Variants in TRIO observed in about 807,000 individuals in gnomAD.
TRIO encodes the protein trio Rho guanine nucleotide exchange factor, also known as triple functional domain protein.
Under a neutral mutation model 351.9 loss-of-function variants are expected in TRIO, and 58 were observed. That is an observed-to-expected ratio of 0.16 (90% CI 0.13 to 0.21). TRIO has a LOEUF of 0.21. Ranked by LOEUF, TRIO falls within the 10% of genes least tolerant of loss-of-function variation. The pLI is 1.00. For missense variants in TRIO, 3,201 were observed against 4,027.8 expected (o/e 0.79, Z 5.56); for synonymous variants, 1,758 against 1,595.7 (o/e 1.10, Z -2.42).
intron 37 of TRIO, among the ~76,000 whole-genome samples, chr5:14,467,540 G>A (rs1754353738): frequency 6.6e-6 from 1 of 152,120 alleles, no homozygotes; most frequent in Non-Finnish European, 1.5e-5. Context: ...ATCAGGCCTG[G>A]TGTGGTGGTT....
At chr5:14,442,909 C>T (rs1752177294) in intron 34 of TRIO, among the ~76,000 whole-genome samples, 1 of 152,196 alleles carries the variant, frequency 6.6e-6, no homozygotes, top group African/African-American at 2.4e-5. Flanking sequence ...AACAATAGAG[C>T]ACGCCCCTCA....
In TRIO at chr5:14,151,648, T is replaced by C. The variant is rs80170938; in HGVS notation, c.157+7766T>C. ...AAATGATGTGCATATGAGAAGTCGTTAAGATGTTGGCCAAAACAGTGTGTG... is the reference window on the plus strand; with the variant it reads ...AAATGATGTGCATATGAGAAGTCGTCAAGATGTTGGCCAAAACAGTGTGTG... On this transcript the variant is annotated intron_variant, in intron 1 of 56. Transcript: ENST00000344204. Among the ~76,000 whole-genome samples, 808 of 152,324 alleles carry C rather than the reference T, an allele frequency of 5.3e-3. 12 individuals are homozygous for C. Among genetic ancestry groups the C allele is most frequent in the African/African-American group, 0.018 (765 of 41,562 alleles).
chr5:14,447,977 A>G (rs1249286780), intron 34 of TRIO, among the ~76,000 whole-genome samples: 2 of 152,362 alleles, frequency 1.3e-5, no homozygotes, highest in African/African-American at 2.4e-5. Flanking sequence ...CAGGACAATA[A>G]TAAGTACTTT....
chr5:14,456,046 G>A (rs934581616), intron 34 of TRIO, among the ~76,000 whole-genome samples: 14 of 152,252 alleles, frequency 9.2e-5, no homozygotes, highest in East Asian at 5.8e-4. Context: ...GAATTCAAGC[G>A]CGGTGCGGGC....
At chr5:14,330,556 G>A (rs1364714520) in intron 9 of TRIO, among the ~76,000 whole-genome samples, 1 of 152,242 alleles carries the variant, frequency 6.6e-6, no homozygotes, top group African/African-American at 2.4e-5. Context: ...TTTAATGTAA[G>A]AGATGATTAA....
At chr5:14,410,490 G>A (rs575440739) in intron 33 of TRIO, among the ~76,000 whole-genome samples, 2 of 152,298 alleles carry the variant, frequency 1.3e-5, no homozygotes, top group African/African-American at 4.8e-5. Context: ...ATTTTCCTGA[G>A]TCTCGAAGTT....
Position 14,509,443 on chromosome 5 carries a change from A to G in TRIO, c.*1021A>G. The G allele has an allele frequency of 2.1e-6, 1 of 468,432 alleles. No homozygotes were observed. Among genetic ancestry groups the G allele is most frequent in the Non-Finnish European group, 4.3e-6 (1 of 232,974 alleles). The allele number at this position is 468,432 out of a possible 1,614,324, so 29.0% of individuals were successfully genotyped here. On this transcript the variant is annotated 3_prime_UTR_variant, in exon 57 of 57. Coordinates refer to ENST00000344204, the MANE Select transcript of TRIO (RefSeq NM_007118.4). ...GTAGCCCTGTGCCATCGGTTCAAAG[A>G]GACTTTTCGTGAAATTTGTTGGTTT... is the stretch of plus-strand genomic sequence containing the variant.
At chr5:14,220,253 G>A (rs1435569579) in intron 1 of TRIO, among the ~76,000 whole-genome samples, 1 of 152,010 alleles carries the variant, frequency 6.6e-6, no homozygotes, top group African/African-American at 2.4e-5. Context: ...TAGCGTAATT[G>A]TTTTGCAGCA....
chr5:14,155,135 T>TA (rs1788034535), intron 1 of TRIO, among the ~76,000 whole-genome samples: 1 of 152,316 alleles, frequency 6.6e-6, no homozygotes, highest in East Asian at 1.9e-4. Flanking sequence ...GGGGTAAACT[T>TA]ACTTTGAGAA....
rs559611189 is a variant in TRIO at position 14,408,857 on chromosome 5, A to C, written c.4959+2185A>C. Among the ~76,000 whole-genome samples, 7 of 152,148 alleles carry C rather than the reference A, an allele frequency of 4.6e-5. No homozygotes were observed. In the South Asian group the frequency reaches 6.2e-4, roughly 14 times the overall value. Reference sequence around the variant, plus strand: ...GATTTCCCCTAGACATGAGTTCAAAAGTTTATTCTTTTTTTAAAAAAAAAA... The same window carrying C: ...GATTTCCCCTAGACATGAGTTCAAACGTTTATTCTTTTTTTAAAAAAAAAA... On this transcript the variant is annotated intron_variant, in intron 33 of 56. Transcript: ENST00000344204.
At position 14,461,024 on chromosome 5, in the gene TRIO, CTCTCCG is replaced by C; in HGVS notation, c.5215_5220del (p.Val1739_Ser1740del). ...CCTCTCTTTCTCCCTGGCAGACTCG[CTCTCCG>C]TCTCCAGCAATGACGCCAGTCCACC... On this transcript the variant is annotated inframe_deletion, in exon 35 of 57. Transcript: ENST00000344204. 1 of 1,567,960 alleles carries C rather than the reference CTCTCCG, an allele frequency of 6.4e-7. No homozygotes were observed. Among genetic ancestry groups the C allele is most frequent in the Non-Finnish European group, 8.7e-7 (1 of 1,154,492 alleles).
intron 1 of TRIO, among the ~76,000 whole-genome samples, chr5:14,256,489 G>T (rs144205483): frequency 1.3e-5 from 2 of 152,316 alleles, no homozygotes; most frequent in African/African-American, 4.8e-5. Flanking sequence ...CATGGGGAAG[G>T]CTTCTAGGGG....
chr5:14,407,154 G>A (rs1208920469), intron 33 of TRIO, among the ~76,000 whole-genome samples: 2 of 152,234 alleles, frequency 1.3e-5, no homozygotes, highest in Admixed American at 6.5e-5. Context: ...GGAGCATGTG[G>A]GGAGAGAGGA....
At chr5:14,482,920 C>A in intron 46 of TRIO, 147 bp downstream of exon 46, 1 of 775,698 alleles carries the variant, frequency 1.3e-6, no homozygotes, top group Non-Finnish European at 1.9e-6. Context: ...TGAATTCACC[C>A]CATTTCTCTT....
At chr5:14,327,003 T>C (rs1740448246) in intron 9 of TRIO, among the ~76,000 whole-genome samples, 2 of 152,236 alleles carry the variant, frequency 1.3e-5, no homozygotes, top group African/African-American at 4.8e-5. Flanking sequence ...TCATGTTTAT[T>C]GGAAATACGA....
intron 1 of TRIO, among the ~76,000 whole-genome samples, chr5:14,242,985 A>G (rs1214433523): frequency 4.6e-5 from 7 of 152,210 alleles, no homozygotes; most frequent in Admixed American, 1.3e-4. Context: ...GGGAACAGAC[A>G]CATGCAGTGG....
intron 34 of TRIO, among the ~76,000 whole-genome samples, chr5:14,452,411 C>G (rs571192762): frequency 6.6e-6 from 1 of 152,340 alleles, no homozygotes; most frequent in East Asian, 1.9e-4. Context: ...AGAGGAATCA[C>G]TGTCATTTTA....
rs2152367731 is a variant in TRIO, at chr5:14,394,091, A to G, written c.4272A>G (p.Lys1424=). Residue 1424 remains lysine (K), a synonymous_variant, in exon 28 of 57, where the codon AAA becomes AAG. Transcript: ENST00000344204. ...LANSISSYLI[K]PVQRITKYQL... ...ATTCCATTTCTTCCTACCTTATTAAACCAGTTCAGCGAATAACGAAGTATC... is the reference window on the plus strand; with the variant it reads ...ATTCCATTTCTTCCTACCTTATTAAGCCAGTTCAGCGAATAACGAAGTATC... 3 of 1,613,204 alleles carry G rather than the reference A, an allele frequency of 1.9e-6. No individual in the cohort carries two copies. The highest frequency in any genetic ancestry group is 4.5e-5 in the East Asian group (2 of 44,826).
chr5:14,281,268 C>T (rs1216152549), intron 3 of TRIO, among the ~76,000 whole-genome samples: 1 of 152,098 alleles, frequency 6.6e-6, no homozygotes, highest in Non-Finnish European at 1.5e-5. Context: ...ATGATCATGG[C>T]AGAAGGCAAG....
Sources: gnomAD v4.1 joint callset for allele counts (sites outside exome capture counted in the v4.1 genomes callset) on GRCh38, gnomAD v4.1.1 for gene constraint, MANE v1.5 for transcripts, NCBI Gene and HGNC (gene_info 2026-07-23, HGNC 2026-07-21) for gene names.